EYA1: variants seen among roughly 807,000 people sequenced by gnomAD.
The protein encoded by EYA1 is protein phosphatase EYA1.
In EYA1, 16 loss-of-function variants were observed where a neutral mutation model predicts 82.0. The observed-to-expected ratio is 0.20, with a 90% CI of 0.13 to 0.30. EYA1 has a LOEUF of 0.30. EYA1 is among the 10% of genes least tolerant of loss of function. The pLI, the probability that EYA1 is intolerant of heterozygous loss-of-function variation, is 1.00. For missense variants in EYA1, 633 were observed against 730.7 expected, an observed-to-expected ratio of 0.87 and a Z score of 1.54; for synonymous variants, 261 against 264.4, an observed-to-expected ratio of 0.99 and a Z score of 0.12.
chr8:71,408,480 C>G (rs1830401822), intron 2 of EYA1, among the ~76,000 whole-genome samples: 1 of 109,614 alleles, frequency 9.1e-6, no homozygotes, highest in Admixed American at 9.3e-5. Context: ...GGAAACCCAT[C>G]TCACGTGCAG....
intron 9 of EYA1, among the ~76,000 whole-genome samples, chr8:71,281,404 A>C (rs189513356): frequency 2.0e-5 from 3 of 152,204 alleles, no homozygotes; most frequent in Non-Finnish European, 2.9e-5. Context: ...ACCACTAGTG[A>C]ACATTTTGCT....
chr8:71,236,132 C>T (rs949596386), intron 12 of EYA1, among the ~76,000 whole-genome samples: 7 of 152,110 alleles, frequency 4.6e-5, no homozygotes, highest in South Asian at 2.1e-4. Context: ...CCTCCACCTC[C>T]GGGTTTGATT....
intron 12 of EYA1, 150 bp downstream of exon 12, chr8:71,244,453 C>T (rs1812834425): frequency 1.8e-6 from 1 of 548,804 alleles, no homozygotes; most frequent in Non-Finnish European, 3.3e-6. Flanking sequence ...AAATAGAAAT[C>T]CCATAAAGGC....
intron 2 of EYA1, among the ~76,000 whole-genome samples, chr8:71,498,759 T>G (rs1314692263): frequency 6.6e-6 from 1 of 152,080 alleles, no homozygotes; most frequent in Non-Finnish European, 1.5e-5. Flanking sequence ...AAGGTAAATA[T>G]GTAGAGATAG....
At chr8:71,426,650 A>C (rs936501327) in intron 2 of EYA1, among the ~76,000 whole-genome samples, 5 of 152,224 alleles carry the variant, frequency 3.3e-5, no homozygotes, top group Admixed American at 6.5e-5. Flanking sequence ...CTTAATATTT[A>C]AATCACCAGG....
At chr8:71,450,649 C>A (rs932584005) in intron 2 of EYA1, among the ~76,000 whole-genome samples, 1 of 152,142 alleles carries the variant, frequency 6.6e-6, no homozygotes, top group African/African-American at 2.4e-5. Context: ...GAAAATGGCA[C>A]CAATAGACTA....
chr8:71,405,481 G>C (rs576620121), intron 2 of EYA1, among the ~76,000 whole-genome samples: 1 of 152,160 alleles, frequency 6.6e-6, no homozygotes, highest in Non-Finnish European at 1.5e-5. Context: ...TCATTTCTTT[G>C]TTGCTTCAGT....
intron 2 of EYA1, among the ~76,000 whole-genome samples, chr8:71,476,154 T>C (rs1164394600): frequency 6.6e-6 from 1 of 152,140 alleles, no homozygotes; most frequent in African/African-American, 2.4e-5. Context: ...TTTAACCATG[T>C]GATATTCTCC....
chr8:71,215,353 G>A (rs1809048113), intron 16 of EYA1, 34 bp downstream of exon 16: 2 of 1,603,542 alleles, frequency 1.2e-6, no homozygotes, highest in Non-Finnish European at 1.7e-6. Flanking sequence ...AAGGAAAAGA[G>A]CTGATTGTTA....
chr8:71,355,830 T>G (rs1333409508), intron 2 of EYA1, among the ~76,000 whole-genome samples: 1 of 152,202 alleles, frequency 6.6e-6, no homozygotes, highest in African/African-American at 2.4e-5. Context: ...AACTATACAT[T>G]TATATTTAAT....
At chr8:71,382,272 A>G (rs186178878) in intron 2 of EYA1, among the ~76,000 whole-genome samples, 401 of 152,328 alleles carry the variant, frequency 2.6e-3, no homozygotes, top group African/African-American at 9.2e-3. Context: ...AGTAGTACTT[A>G]TAGTGGTAAC....
chr8:71,544,677 A>C (rs1815410072), intron 1 of EYA1, among the ~76,000 whole-genome samples: 1 of 152,190 alleles, frequency 6.6e-6, no homozygotes, highest in Non-Finnish European at 1.5e-5. Flanking sequence ...CATCTTTTTT[A>C]AATGAGTTAC....
chr8:71,380,813 T>A (rs897428015), intron 2 of EYA1, among the ~76,000 whole-genome samples: 1 of 152,214 alleles, frequency 6.6e-6, no homozygotes, highest in Non-Finnish European at 1.5e-5. Context: ...GCTGGAAACA[T>A]ACAGATTTTC....
At chr8:71,396,779 A>G (rs114889982) in intron 2 of EYA1, among the ~76,000 whole-genome samples, 4,361 of 152,298 alleles carry the variant, frequency 0.029, 226 homozygotes, top group African/African-American at 0.097. Context: ...CTTGGGGTGC[A>G]GAGTTCTGTA....
chr8:71,351,349 A>T (rs1826287699), intron 3 of EYA1, among the ~76,000 whole-genome samples: 2 of 152,202 alleles, frequency 1.3e-5, no homozygotes, highest in South Asian at 4.1e-4. Context: ...TTGGAAACAT[A>T]TCACTTCTTA....
chr8:71,233,335 CG>C (rs1179464780), intron 12 of EYA1, among the ~76,000 whole-genome samples: 2 of 151,942 alleles, frequency 1.3e-5, no homozygotes, highest in African/African-American at 2.4e-5. Flanking sequence ...GAGGCCAAGG[CG>C]GGCAGATCAC....
chr8:71,336,697 A>G (rs917754874), intron 3 of EYA1, among the ~76,000 whole-genome samples: 1 of 152,168 alleles, frequency 6.6e-6, no homozygotes, highest in Non-Finnish European at 1.5e-5. Context: ...GGCCCCAATA[A>G]CACTGCTTTT....
chr8:71,407,112 AC>A (rs1830294835), intron 2 of EYA1, among the ~76,000 whole-genome samples: 1 of 119,064 alleles, frequency 8.4e-6, no homozygotes, highest in African/African-American at 3.0e-5. Context: ...CAGCAGGGGC[AC>A]ACTGACACCT....
At chr8:71,436,468 C>T (rs1354948330) in intron 2 of EYA1, among the ~76,000 whole-genome samples, 3 of 152,124 alleles carry the variant, frequency 2.0e-5, no homozygotes, top group African/African-American at 4.8e-5. Context: ...TCAGGAGAGG[C>T]TGCACACAAT....
Sources: gnomAD v4.1 joint callset for allele counts (sites outside exome capture counted in the v4.1 genomes callset) on GRCh38, gnomAD v4.1.1 for gene constraint, MANE v1.5 for transcripts, NCBI Gene and HGNC (gene_info 2026-07-23, HGNC 2026-07-21) for gene names.